TRAPPC9: variants seen among roughly 807,000 people sequenced by gnomAD.
TRAPPC9 encodes the protein trafficking protein particle complex subunit 9, also known as IKK2 binding protein.
TRAPPC9 carries 83 observed loss-of-function variants against 124.0 expected under a neutral mutation model. The observed-to-expected ratio is 0.67, with a 90% confidence interval of 0.56 to 0.80. The LOEUF (loss-of-function observed/expected upper bound fraction) is 0.80, where lower values mean the gene tolerates loss of function less well. Among genes scored for constraint, TRAPPC9 ranks in the 30% least tolerant of loss-of-function variants. TRAPPC9 has a pLI of 0.00. For missense variants in TRAPPC9, 1,302 were observed against 1,508.3 expected (o/e 0.86, Z 2.27); for synonymous variants, 638 against 617.5 (o/e 1.03, Z -0.49).
chr8:139,813,457 C>T (rs1034429338), intron 21 of TRAPPC9, among the ~76,000 whole-genome samples: 6 of 152,214 alleles, frequency 3.9e-5, no homozygotes, highest in African/African-American at 7.2e-5. Context: ...TCCTCTAGAA[C>T]GATGGCAGAT....
At position 140,426,594 on chromosome 8, in the gene TRAPPC9, C is replaced by CT. The variant is rs1180991903; in HGVS notation, c.886+20dup. On this transcript the variant is annotated intron_variant, in intron 5 of 22. Transcript: ENST00000438773. ...CACTTAAAAAAATAACCAAAAGAAACTAAACACATAGATCATGTACCTGGA... is the reference window on the plus strand; with the variant it reads ...CACTTAAAAAAATAACCAAAAGAAACTTAAACACATAGATCATGTACCTGGA... 19 of 1,612,406 alleles carry CT rather than the reference C, an allele frequency of 1.2e-5. No homozygotes were observed. In the Admixed American group the frequency reaches 1.5e-4, roughly 13 times the overall value.
At chr8:139,791,862 A>G (rs1822702765) in intron 21 of TRAPPC9, among the ~76,000 whole-genome samples, 1 of 152,192 alleles carries the variant, frequency 6.6e-6, no homozygotes, top group Non-Finnish European at 1.5e-5. Context: ...TCCGCAACCC[A>G]GGACTCAGCA....
chr8:140,290,956 G>A (rs1554662075), intron 12 of TRAPPC9, 37 bp downstream of exon 12: 1 of 1,558,654 alleles, frequency 6.4e-7, no homozygotes, highest in Non-Finnish European at 8.9e-7. Context: ...AAGTTTGTAT[G>A]TTAGCCCAAA....
chr8:139,980,521 T>A (rs1192449200), intron 19 of TRAPPC9, among the ~76,000 whole-genome samples: 3 of 152,190 alleles, frequency 2.0e-5, no homozygotes, highest in Non-Finnish European at 4.4e-5. Flanking sequence ...TTTGAAATTA[T>A]CACTGTAACA....
At chr8:140,070,879 C>G (rs1272615068) in intron 17 of TRAPPC9, among the ~76,000 whole-genome samples, 2 of 152,168 alleles carry the variant, frequency 1.3e-5, no homozygotes, top group Admixed American at 1.3e-4. Context: ...ACGTCTCTTA[C>G]CTACAGCCCT....
rs371581165 is a variant in TRAPPC9, at chr8:139,899,068, C to T, written c.2964+11079G>A. ...CCAGGAGGCAGAGGCTGCAGTGAGC[C>T]GAGATCGCACCATTGCACTCCAGCC... On this transcript the variant is annotated intron_variant, in intron 20 of 22. Transcript: ENST00000438773. Among the ~76,000 whole-genome samples the T allele has an allele frequency of 1.1e-4, 14 of 128,664 alleles. No homozygotes were observed. The East Asian group carries it at 1.7e-3, about 16-fold the overall frequency. 84.4% of individuals were successfully genotyped at this position (128,664 alleles called of 152,430 possible). A position where few individuals can be genotyped will look rare whatever the true frequency, so the allele number is the denominator to read the frequency against.
intron 21 of TRAPPC9, among the ~76,000 whole-genome samples, chr8:139,782,231 T>C (rs993158937): frequency 6.6e-6 from 1 of 151,928 alleles, no homozygotes; most frequent in Non-Finnish European, 1.5e-5. Flanking sequence ...AATATAAAAA[T>C]TAGCCAGGCG....
intron 21 of TRAPPC9, among the ~76,000 whole-genome samples, chr8:139,867,023 T>C (rs1828590464): frequency 6.6e-6 from 1 of 152,136 alleles, no homozygotes; most frequent in African/African-American, 2.4e-5. Flanking sequence ...TTAGTAGAGA[T>C]GGGGTTTCAC....
chr8:140,100,921 G>A (rs1054651384), intron 17 of TRAPPC9, among the ~76,000 whole-genome samples: 5 of 152,202 alleles, frequency 3.3e-5, no homozygotes, highest in Admixed American at 6.5e-5. Flanking sequence ...GGGCCTTCTC[G>A]CTTTATTAAC....
At chr8:139,750,935 C>T (rs1416656247) in intron 21 of TRAPPC9, among the ~76,000 whole-genome samples, 2 of 152,184 alleles carry the variant, frequency 1.3e-5, no homozygotes, top group Admixed American at 1.3e-4. Flanking sequence ...AGCACTAGAG[C>T]CAAGAGCCTC....
In TRAPPC9 at chr8:140,336,331, C is replaced by G. The variant is rs534859581; in HGVS notation, c.1495+23719G>C. Among the ~76,000 whole-genome samples the G allele has an allele frequency of 2.6e-5, 4 of 152,298 alleles. No individual in the cohort carries two copies. The East Asian group carries it at 7.7e-4, about 29-fold the overall frequency. ...GTATAGTCTGTGGCTGCAAGCCAGC[C>G]GAGATTCCCAACCCTGGCTTGCCTC... On this transcript the variant is annotated intron_variant, in intron 9 of 22. Coordinates refer to ENST00000438773, the MANE Select transcript of TRAPPC9 (RefSeq NM_001160372.4).
At chr8:140,151,578 C>T (rs1324071588) in intron 17 of TRAPPC9, among the ~76,000 whole-genome samples, 3 of 152,134 alleles carry the variant, frequency 2.0e-5, no homozygotes, top group Admixed American at 2.0e-4. Flanking sequence ...ATGAGGACAC[C>T]AGGCACATTG....
In TRAPPC9 at chr8:140,079,821, T is replaced by A. The variant is rs942738599; in HGVS notation, c.2557-55742A>T. Among the ~76,000 whole-genome samples the A allele has an allele frequency of 2.0e-5, 3 of 152,178 alleles. No individual in the cohort carries two copies. In the South Asian group the frequency reaches 6.2e-4, roughly 32 times the overall value. On this transcript the variant is annotated intron_variant, in intron 17 of 22. Transcript: ENST00000438773. ...GGTAGATGCCTGTAATCCCAGCTAC[T>A]CAGGAGGCTGAGCCAGGAGAATCGC...
intron 19 of TRAPPC9, among the ~76,000 whole-genome samples, chr8:139,939,802 A>T (rs1316047702): frequency 6.6e-6 from 1 of 152,158 alleles, no homozygotes; most frequent in Admixed American, 6.5e-5. Context: ...AGAAATCTCT[A>T]AGTTCAGAAT....
intron 3 of TRAPPC9, among the ~76,000 whole-genome samples, chr8:140,438,811 C>G (rs1490296550): frequency 1.3e-5 from 2 of 152,178 alleles, no homozygotes; most frequent in Admixed American, 6.5e-5. Context: ...GCTGCCTCCG[C>G]CTCCCGAGTA....
intron 18 of TRAPPC9, among the ~76,000 whole-genome samples, chr8:140,015,676 C>T (rs977486479): frequency 2.6e-5 from 4 of 151,978 alleles, no homozygotes; most frequent in Admixed American, 6.6e-5. Context: ...GGCACGGTGG[C>T]TCATGCCTGT....
chr8:139,934,336 C>T (rs1398525619), intron 19 of TRAPPC9, among the ~76,000 whole-genome samples: 2 of 152,088 alleles, frequency 1.3e-5, no homozygotes, highest in African/African-American at 4.8e-5. Flanking sequence ...ACAGCAGGAG[C>T]GTGCACAGGC....
chr8:140,347,728 G>A (rs1392795463), intron 9 of TRAPPC9, among the ~76,000 whole-genome samples: 1 of 152,184 alleles, frequency 6.6e-6, no homozygotes, highest in African/African-American at 2.4e-5. Flanking sequence ...GACTCCTACT[G>A]TAGTAGTCTT....
intron 17 of TRAPPC9, among the ~76,000 whole-genome samples, chr8:140,101,532 CTTTTTTTTGTTTT>C (rs1204350291): frequency 3.8e-5 from 3 of 78,728 alleles, no homozygotes; most frequent in East Asian, 4.5e-4. Context: ...GTAGGGTTTT[CTTTTTTTTGTTTT>C]TTTTTTTTTT....
Sources: gnomAD v4.1 joint callset for allele counts (sites outside exome capture counted in the v4.1 genomes callset) on GRCh38, gnomAD v4.1.1 for gene constraint, MANE v1.5 for transcripts, NCBI Gene and HGNC (gene_info 2026-07-23, HGNC 2026-07-21) for gene names.